NIBAN1: variants seen among roughly 807,000 people sequenced by gnomAD.
NIBAN1 encodes niban apoptosis regulator 1.
In NIBAN1, 81 loss-of-function variants were observed where a neutral mutation model predicts 75.1. The ratio of observed to expected loss-of-function variants is 1.08; its 90% CI spans 0.90 to 1.30. The LOEUF (loss-of-function observed/expected upper bound fraction) is 1.30, where lower values mean the gene tolerates loss of function less well. NIBAN1 is among the 50% of genes most tolerant of loss of function. The pLI is 0.00. For synonymous variants in NIBAN1, 436 were observed against 424.8 expected (o/e 1.03, Z -0.32); for missense variants, 1,133 against 1,128.1 (o/e 1.00, Z -0.06).
intron 5 of NIBAN1, among the ~76,000 whole-genome samples, chr1:184,880,397 C>T (rs750883969): frequency 6.6e-6 from 1 of 152,208 alleles, no homozygotes; most frequent in Non-Finnish European, 1.5e-5. Context: ...TGCTCATTTA[C>T]TTAAAATCCT....
intron 9 of NIBAN1, among the ~76,000 whole-genome samples, chr1:184,811,795 T>C (rs1303837804): frequency 2.6e-5 from 4 of 152,080 alleles, no homozygotes; most frequent in Non-Finnish European, 5.9e-5. Flanking sequence ...CCCGGCTGCA[T>C]TGAAGTACAT....
chr1:184,839,545 C>CTCTGTG (rs1553219307), intron 5 of NIBAN1, among the ~76,000 whole-genome samples: 156 of 148,732 alleles, frequency 1.0e-3, no homozygotes, highest in Non-Finnish European at 1.9e-3. Flanking sequence ...ACATGCATTC[C>CTCTGTG]TGTGTGTGTG....
intron 6 of NIBAN1, 32 bp downstream of exon 6, chr1:184,831,813 CAG>C: frequency 6.6e-7 from 1 of 1,510,372 alleles, no homozygotes; most frequent in Non-Finnish European, 9.2e-7. Context: ...TACCCAAACA[CAG>C]AGAGAATCCA....
chr1:184,865,976 G>T (rs965846151), intron 5 of NIBAN1, among the ~76,000 whole-genome samples: 1 of 152,054 alleles, frequency 6.6e-6, no homozygotes, highest in Non-Finnish European at 1.5e-5. Flanking sequence ...AAACAATCCG[G>T]AATGCTTTAT....
At chr1:184,859,504 G>A (rs897338774) in intron 5 of NIBAN1, among the ~76,000 whole-genome samples, 6 of 152,082 alleles carry the variant, frequency 3.9e-5, no homozygotes, top group South Asian at 2.1e-4. Flanking sequence ...TCTGCTTTCC[G>A]TGTCACTGGG....
intron 5 of NIBAN1, among the ~76,000 whole-genome samples, chr1:184,874,391 T>G (rs1656182353): frequency 6.6e-6 from 1 of 152,100 alleles, no homozygotes; most frequent in Non-Finnish European, 1.5e-5. Flanking sequence ...ATGATGTATA[T>G]GTACCATTTA....
At chr1:184,867,811 T>A (rs1655997442) in intron 5 of NIBAN1, 3 of 973,150 alleles carry the variant, frequency 3.1e-6, no homozygotes, top group Admixed American at 1.2e-4. Flanking sequence ...GTGTTTTCGG[T>A]TTGTTTTGCC....
intron 5 of NIBAN1, among the ~76,000 whole-genome samples, chr1:184,856,928 A>G (rs1298437530): frequency 6.6e-6 from 1 of 152,180 alleles, no homozygotes; most frequent in Non-Finnish European, 1.5e-5. Flanking sequence ...ACAGGGAGCT[A>G]AGTAGACATG....
At chr1:184,893,107 A>T (rs1656714585) in intron 3 of NIBAN1, among the ~76,000 whole-genome samples, 1 of 152,176 alleles carries the variant, frequency 6.6e-6, no homozygotes, top group Non-Finnish European at 1.5e-5. Context: ...GCCAGAGAGC[A>T]GAGTTTTAAA....
chr1:184,824,091 C>T (rs558386682), intron 6 of NIBAN1, among the ~76,000 whole-genome samples: 152 of 152,288 alleles, frequency 1.0e-3, no homozygotes, highest in Admixed American at 1.6e-3. Flanking sequence ...ATAAGGACAT[C>T]TTCAGCAAAA....
At chr1:184,879,012 T>C (rs546955) in intron 5 of NIBAN1, among the ~76,000 whole-genome samples, 58,472 of 151,982 alleles carry the variant, frequency 0.38, 11,816 homozygotes, top group South Asian at 0.5. Context: ...ATATTTCTAA[T>C]TGTAGAGTAC....
intron 1 of NIBAN1, among the ~76,000 whole-genome samples, chr1:184,912,941 A>G (rs939734539): frequency 6.6e-6 from 1 of 152,098 alleles, no homozygotes; most frequent in Non-Finnish European, 1.5e-5. Context: ...CCCCAGGCCT[A>G]CTGAATCAGA....
chr1:184,918,427 G>C (rs1317713133), intron 1 of NIBAN1, among the ~76,000 whole-genome samples: 1 of 152,070 alleles, frequency 6.6e-6, no homozygotes, highest in Non-Finnish European at 1.5e-5. Context: ...AGCCACCTTG[G>C]GTTCTTCCAG....
chr1:184,968,462 T>G (rs147325512), intron 1 of NIBAN1, among the ~76,000 whole-genome samples: 1,853 of 152,292 alleles, frequency 0.012, 36 homozygotes, highest in African/African-American at 0.041. Flanking sequence ...AAATATAAAG[T>G]GATCAATATG....
At chr1:184,917,308 C>A (rs1046698265) in intron 1 of NIBAN1, among the ~76,000 whole-genome samples, 2 of 151,272 alleles carry the variant, frequency 1.3e-5, no homozygotes, top group Admixed American at 1.3e-4. Context: ...GGGTTCATGC[C>A]ATTCTGCCTC....
At chr1:184,954,263 A>C (rs1297842527) in intron 1 of NIBAN1, among the ~76,000 whole-genome samples, 1 of 152,232 alleles carries the variant, frequency 6.6e-6, no homozygotes, top group East Asian at 1.9e-4. Flanking sequence ...AGCCAAGAAC[A>C]GAAAATGAGA....
chr1:184,941,226 C>G (rs1034480067), intron 1 of NIBAN1, among the ~76,000 whole-genome samples: 1 of 152,128 alleles, frequency 6.6e-6, no homozygotes, highest in Admixed American at 6.5e-5. Flanking sequence ...AAGTCTTATT[C>G]TAAATTAGGG....
chr1:184,878,187 G>A (rs932632650), intron 5 of NIBAN1, among the ~76,000 whole-genome samples: 1 of 152,176 alleles, frequency 6.6e-6, no homozygotes, highest in South Asian at 2.1e-4. Flanking sequence ...CCCATATACT[G>A]CTGGGGAGAA....
At chr1:184,882,355 C>CA (rs1464939873) in intron 5 of NIBAN1, among the ~76,000 whole-genome samples, 4 of 152,112 alleles carry the variant, frequency 2.6e-5, no homozygotes, top group Non-Finnish European at 5.9e-5. Context: ...ATCATGCTGT[C>CA]AAAAACAGAA....
Sources: allele counts gnomAD v4.1 joint callset (sites outside exome capture counted in the v4.1 genomes callset), GRCh38; gene constraint gnomAD v4.1.1; transcripts MANE v1.5; gene names NCBI Gene and HGNC (gene_info 2026-07-23, HGNC 2026-07-21).